The following SNRNP48 variants were observed in gnomAD, a reference collection of about 807,000 sequenced individuals.
SNRNP48 encodes small nuclear ribonucleoprotein U11/U12 subunit 48.
SNRNP48 carries 43 observed loss-of-function variants against 47.0 expected under a neutral mutation model. The ratio of observed to expected loss-of-function variants is 0.92; its 90% CI spans 0.72 to 1.18. SNRNP48 has a LOEUF of 1.18. SNRNP48 is among the 50% of genes most tolerant of loss of function. SNRNP48 has a pLI of 0.00. For synonymous variants in SNRNP48, 138 were observed against 144.0 expected (o/e 0.96, Z 0.30); for missense variants, 396 against 422.2 (o/e 0.94, Z 0.54).
chr6:7,598,043 T>G (rs1271172568), intron 4 of SNRNP48, among the ~76,000 whole-genome samples: 1 of 151,366 alleles, frequency 6.6e-6, no homozygotes, highest in Non-Finnish European at 1.5e-5. Flanking sequence ...TTTCTTGTAT[T>G]TTTTTAGTAG....
rs998762153 is a variant in SNRNP48 at position 7,611,074 on chromosome 6, C to G, written c.*2201C>G. ...GTACCTTCTCACAAACATTTCTAAT[C>G]TACTGGCTGGAGTGCAGTGGTGCAG... On this transcript the variant is annotated 3_prime_UTR_variant, in exon 9 of 9. Coordinates refer to ENST00000342415, the MANE Select transcript of SNRNP48 (RefSeq NM_152551.4). The G allele has an allele frequency of 6.6e-6, 1 of 152,254 alleles. No individual in the cohort carries two copies. Among genetic ancestry groups the G allele is most frequent in the Non-Finnish European group, 1.5e-5 (1 of 68,108 alleles). 9.4% of individuals were successfully genotyped at this position (152,254 alleles called of 1,614,324 possible). A position where few individuals can be genotyped will look rare whatever the true frequency, so the allele number is the denominator to read the frequency against.
intron 4 of SNRNP48, among the ~76,000 whole-genome samples, chr6:7,599,267 G>T (rs1455271671): frequency 2.0e-5 from 3 of 152,124 alleles, no homozygotes; most frequent in Non-Finnish European, 2.9e-5. Context: ...GATGACAAAA[G>T]TAACAAGAAT....
At chr6:7,592,472 T>C (rs1349237149) in intron 1 of SNRNP48, among the ~76,000 whole-genome samples, 2 of 151,996 alleles carry the variant, frequency 1.3e-5, no homozygotes, top group Non-Finnish European at 2.9e-5. Flanking sequence ...AATAATAGCA[T>C]ACATTTATTG....
intron 1 of SNRNP48, among the ~76,000 whole-genome samples, chr6:7,591,225 G>A (rs545309036): frequency 5.9e-5 from 9 of 152,270 alleles, no homozygotes; most frequent in Non-Finnish European, 7.4e-5. Flanking sequence ...CCAATTCTAG[G>A]ATTATTAAAG....
intron 4 of SNRNP48, among the ~76,000 whole-genome samples, chr6:7,597,053 A>C (rs1421522539): frequency 6.6e-6 from 1 of 152,176 alleles, no homozygotes; most frequent in Non-Finnish European, 1.5e-5. Context: ...ATTTTTTAAA[A>C]GGTTATTTTT....
chr6:7,601,800 A>G (rs904873707), intron 5 of SNRNP48, among the ~76,000 whole-genome samples: 1 of 152,080 alleles, frequency 6.6e-6, no homozygotes, highest in Admixed American at 6.6e-5. Flanking sequence ...TCCATAAACA[A>G]TATATTAACA....
intron 1 of SNRNP48, 49 bp downstream of exon 1, chr6:7,590,462 C>T (rs1445867366): frequency 7.9e-7 from 1 of 1,265,644 alleles, no homozygotes. Context: ...GGCCCGGGGT[C>T]TTCTCTGGAA....
chr6:7,593,954 C>A lies in SNRNP48; in HGVS notation c.270+107C>A, dbSNP rs1332107295. ...TGAGGTTCACTGACAAAATAATAGC[C>A]CTTACTTGAAGGGTTGGTTGGTACT... On this transcript the variant is annotated intron_variant, in intron 2 of 8. Transcript: ENST00000342415. 5 of 1,015,388 alleles carry A rather than the reference C, an allele frequency of 4.9e-6. No homozygotes were observed. The Admixed American group carries it at 1.2e-4, about 25-fold the overall frequency. 62.9% of individuals were successfully genotyped at this position (1,015,388 alleles called of 1,614,324 possible). A position where few individuals can be genotyped will look rare whatever the true frequency, so the allele number is the denominator to read the frequency against.
At chr6:7,601,831 A>G (rs1257788843) in intron 5 of SNRNP48, among the ~76,000 whole-genome samples, 1 of 151,984 alleles carries the variant, frequency 6.6e-6, no homozygotes, top group African/African-American at 2.4e-5. Context: ...CAGCATTTAC[A>G]TCGTATCAGG....
intron 4 of SNRNP48, among the ~76,000 whole-genome samples, chr6:7,598,638 G>C (rs1197392007): frequency 1.1e-4 from 16 of 152,022 alleles, no homozygotes; most frequent in African/African-American, 3.9e-4. Flanking sequence ...TCTTATTGAT[G>C]TATTTACTTT....
chr6:7,608,071 T>G (rs979441601), intron 8 of SNRNP48, among the ~76,000 whole-genome samples: 8 of 152,212 alleles, frequency 5.3e-5, no homozygotes, highest in Non-Finnish European at 8.8e-5. Flanking sequence ...ATTAAATAGT[T>G]TTTATTTAAA....
intron 4 of SNRNP48, chr6:7,600,067 A>G: frequency 1.0e-6 from 1 of 998,368 alleles, no homozygotes; most frequent in Non-Finnish European, 1.2e-6. Context: ...TGTTTTTATA[A>G]TTTTGTATTA....
Position 7,606,021 on chromosome 6 carries a change from T to C in SNRNP48, c.807-10T>C. On this transcript the variant is annotated splice_polypyrimidine_tract_variant and intron_variant, in intron 7 of 8. Transcript: ENST00000342415. ...ACACAAACTGATTAACATTCTTTTC[T>C]GTGTTTTAGGAATGAAGAAAGGCGA... 1 of 1,589,746 alleles carries C rather than the reference T, an allele frequency of 6.3e-7. No individual in the cohort carries two copies. The highest frequency in any genetic ancestry group is 8.5e-7 in the Non-Finnish European group (1 of 1,172,886).
At position 7,604,969 on chromosome 6, in the gene SNRNP48, ACCCATTGTTAG is replaced by A. The variant is rs1760097368; in HGVS notation, c.718-427_718-417del. Reference sequence around the variant, plus strand: ...CTCCCATATTGTCTTTACCCAGATCACCCATTGTTAGCATTTTGCCACATAGCTTCTCATTG... The same window carrying A: ...CTCCCATATTGTCTTTACCCAGATCACATTTTGCCACATAGCTTCTCATTG... On this transcript the variant is annotated intron_variant, in intron 6 of 8. Transcript: ENST00000342415. Among the ~76,000 whole-genome samples the A allele has an allele frequency of 2.0e-5, 3 of 152,148 alleles. No homozygotes were observed. In the South Asian group the frequency reaches 6.2e-4, roughly 32 times the overall value.
In SNRNP48 at chr6:7,593,783, C is replaced by T. The variant is rs780185540; in HGVS notation, c.206C>T (p.Ser69Leu). The change falls in exon 2 of 9, where the codon TCA (serine) becomes TTA (leucine). Residue 69 changes from serine to leucine, a missense_variant. By Grantham distance (145) the Ser-to-Leu change is moderately radical (BLOSUM62 -2). Transcript: ENST00000342415. The stretch of plus-strand genomic sequence containing the variant: ...GATTCCAATCATCACATGCCTAAAT[C>T]ATCTTTGGCAAAGCACATGGCATCT... ...PYDSNHHMPK[S>L]SLAKHMASCR... 4 of 1,599,952 alleles carry T rather than the reference C, an allele frequency of 2.5e-6. No homozygotes were observed. In the South Asian group the frequency reaches 4.6e-5, roughly 18 times the overall value.
chr6:7,595,603 C>T (rs1281860018), intron 4 of SNRNP48, among the ~76,000 whole-genome samples: 1 of 152,132 alleles, frequency 6.6e-6, no homozygotes, highest in African/African-American at 2.4e-5. Flanking sequence ...AGTCAAGGAA[C>T]ATCTATAAAT....
chr6:7,597,862 A>G (rs534877525), intron 4 of SNRNP48, among the ~76,000 whole-genome samples: 1 of 124,976 alleles, frequency 8.0e-6, no homozygotes, highest in African/African-American at 3.2e-5. Flanking sequence ...TGTTAACCGT[A>G]ACCTTTTTTT....
chr6:7,603,005 C>T (rs1240138534), intron 6 of SNRNP48, among the ~76,000 whole-genome samples: 4 of 152,174 alleles, frequency 2.6e-5, no homozygotes, highest in Non-Finnish European at 5.9e-5. Context: ...ATGGTAAGAG[C>T]ATGAGTTTGG....
chr6:7,597,658 ATGAG>A (rs1759927195), intron 4 of SNRNP48, among the ~76,000 whole-genome samples: 2 of 152,172 alleles, frequency 1.3e-5, no homozygotes, highest in Admixed American at 6.5e-5. Context: ...TTTTATATAT[ATGAG>A]TAATTTAGAA....
Sources: gnomAD v4.1 joint callset for allele counts (sites outside exome capture counted in the v4.1 genomes callset) on GRCh38, gnomAD v4.1.1 for gene constraint, MANE v1.5 for transcripts, NCBI Gene and HGNC (gene_info 2026-07-23, HGNC 2026-07-21) for gene names.